The following HAUS5 variants were observed in gnomAD, a reference collection of about 807,000 sequenced individuals.
HAUS5 encodes HAUS augmin like complex subunit 5.
A neutral mutation model predicts 94.1 loss-of-function variants in HAUS5; 67 were observed. The observed-to-expected ratio is 0.71, with a 90% CI of 0.58 to 0.87. HAUS5 has a LOEUF of 0.87. HAUS5 is among the 40% of genes least tolerant of loss of function. HAUS5 has a pLI of 0.00. For synonymous variants in HAUS5, 339 were observed against 355.4 expected, an observed-to-expected ratio of 0.95 and a Z score of 0.52; for missense variants, 739 against 825.6, an observed-to-expected ratio of 0.90 and a Z score of 1.29.
chr19:35,619,605 C>CCA lies in HAUS5; in HGVS notation c.1261-7_1261-6insAC. The stretch of plus-strand genomic sequence containing the variant: ...TGATGCCCCACCCACCCCTCCCCTT[C>CCA]CCCACAGGTGCTAGCTCTGGTCCAG... On this transcript the variant is annotated splice_region_variant and splice_polypyrimidine_tract_variant and intron_variant, in intron 14 of 18. Transcript: ENST00000203166. The CCA allele has an allele frequency of 6.5e-6, 5 of 768,904 alleles. No individual in the cohort carries two copies. The highest frequency in any genetic ancestry group is 6.1e-6 in the Non-Finnish European group (3 of 489,516). The allele number at this position is 768,904 out of a possible 1,614,324, so 47.6% of individuals were successfully genotyped here.
chr19:35,619,584 G>GGGGCCCCCC, intron 14 of HAUS5, 29 bp from the exon 15 acceptor site: 1 of 1,533,880 alleles, frequency 6.5e-7, no homozygotes, highest in Non-Finnish European at 8.9e-7. Context: ...ATGTTGTGAT[G>GGGGCCCCCC]CCCCACCCAC....
Position 35,613,724 on chromosome 19 carries a change from C to T in HAUS5, c.99-6C>T. The T allele has an allele frequency of 6.2e-7, 1 of 1,613,632 alleles. No individual in the cohort carries two copies. The highest frequency in any genetic ancestry group is 8.5e-7 in the Non-Finnish European group (1 of 1,179,620). On this transcript the variant is annotated splice_region_variant and splice_polypyrimidine_tract_variant and intron_variant, in intron 1 of 18. Coordinates refer to ENST00000203166, the MANE Select transcript of HAUS5 (RefSeq NM_015302.2). ...CCAGGCATATGCTTACACACTGTCC[C>T]CACAGGCTGTGTCTGGGCCAGGGGG...
chr19:35,620,656 C>T (rs997885623), intron 17 of HAUS5, among the ~76,000 whole-genome samples: 6 of 152,222 alleles, frequency 3.9e-5, no homozygotes, highest in Non-Finnish European at 7.3e-5. Flanking sequence ...TCATTCATCA[C>T]CGTCACATAG....
rs1359032957 is a variant in HAUS5 at position 35,618,590 on chromosome 19, G to T, written c.907G>T (p.Val303Leu). ...LIQEGWRTVG[V>L]LVSQRSTLLK... is the part of the protein sequence containing the mutation. ...GCAGGAGGGCTGGCGGACTGTGGGT[G>T]TGCTGGTCTCCCAGCGGAGCACCCT... The change falls in exon 12 of 19, where the codon GTG (valine) becomes TTG (leucine). Residue 303 changes from valine to leucine, a missense_variant. By Grantham distance (32) the Val-to-Leu change is conservative. Coordinates refer to ENST00000203166, the MANE Select transcript of HAUS5 (RefSeq NM_015302.2). 1.2e-6 allele frequency: 2 copies of T among 1,605,420 alleles called. No individual in the cohort carries two copies. Among genetic ancestry groups the T allele is most frequent in the Non-Finnish European group, 1.7e-6 (2 of 1,173,710 alleles).
Position 35,615,317 on chromosome 19 carries a change from A to G in HAUS5, c.416A>G (p.Gln139Arg), listed in dbSNP as rs377560428. 4 of 1,613,702 alleles carry G rather than the reference A, an allele frequency of 2.5e-6. No individual in the cohort carries two copies. The highest frequency in any genetic ancestry group is 3.4e-6 in the Non-Finnish European group (4 of 1,179,894). ...LRAQAGAMRR[Q>R]QHTLRDPMQR... Reference sequence around the variant, plus strand: ...GCCCAAGCTGGGGCCATGCGAAGACAGCAGCATACGCTCCGAGATCCCATG... The same window carrying G: ...GCCCAAGCTGGGGCCATGCGAAGACGGCAGCATACGCTCCGAGATCCCATG... Residue 139 changes from glutamine to arginine, a missense_variant, in exon 6 of 19, where the codon CAG (glutamine) becomes CGG (arginine). Coordinates refer to ENST00000203166, the MANE Select transcript of HAUS5 (RefSeq NM_015302.2).
Position 35,617,882 on chromosome 19 carries a change from T to C in HAUS5, c.666T>C (p.Thr222=). 1 of 1,614,000 alleles carries C rather than the reference T, an allele frequency of 6.2e-7. No individual in the cohort carries two copies. Among genetic ancestry groups the C allele is most frequent in the Non-Finnish European group, 8.5e-7 (1 of 1,179,938 alleles). The part of the protein sequence containing the change: ...LPTPHDDHFG[T]SYQQWLSSVE... The stretch of plus-strand genomic sequence containing the variant: ...CCCCTCATGATGACCACTTTGGCAC[T>C]TCGTACCAGCAGTGGCTGAGCTCAG... Residue 222 remains threonine (T), a synonymous_variant, in exon 9 of 19, where the codon ACT becomes ACC. Coordinates refer to ENST00000203166, the MANE Select transcript of HAUS5 (RefSeq NM_015302.2).
At chr19:35,618,841 G>T (rs1248612347) in intron 12 of HAUS5, 46 bp from the exon 13 acceptor site, 2 of 1,553,762 alleles carry the variant, frequency 1.3e-6, no homozygotes, top group Non-Finnish European at 1.7e-6. Flanking sequence ...CCCTTGTGTG[G>T]CTCAGTCACC....
At position 35,623,015 on chromosome 19, in the gene HAUS5, C is replaced by T. The variant is rs758445314; in HGVS notation, c.*22C>T. 27 of 1,499,094 alleles carry T rather than the reference C, an allele frequency of 1.8e-5. No homozygotes were observed. The highest frequency in any genetic ancestry group is 2.3e-5 in the Non-Finnish European group (25 of 1,082,266). 92.9% of individuals were successfully genotyped at this position (1,499,094 alleles called of 1,614,324 possible). A position where few individuals can be genotyped will look rare whatever the true frequency, so the allele number is the denominator to read the frequency against. On this transcript the variant is annotated 3_prime_UTR_variant, in exon 19 of 19. Transcript: ENST00000203166. Reference sequence around the variant, plus strand: ...CTGAAGAGAGGGTTCAAACGGAAGCCGAGAACTTGACACTGTTCACCCCAA... The same window carrying T: ...CTGAAGAGAGGGTTCAAACGGAAGCTGAGAACTTGACACTGTTCACCCCAA...
At chr19:35,612,985 C>G (rs1049545458) in intron 1 of HAUS5, 93 bp downstream of exon 1, 25 of 903,280 alleles carry the variant, frequency 2.8e-5, no homozygotes, top group African/African-American at 1.6e-4. Context: ...TCGACTCCCC[C>G]CAATTCCCCA....
Position 35,615,263 on chromosome 19 carries a change from A to G in HAUS5, c.362A>G (p.Asp121Gly). 1 of 1,614,034 alleles carries G rather than the reference A, an allele frequency of 6.2e-7. No homozygotes were observed. The highest frequency in any genetic ancestry group is 8.5e-7 in the Non-Finnish European group (1 of 1,180,020). Residue 121 changes from aspartate to glycine, a missense_variant, in exon 6 of 19, where the codon GAC becomes GGC. Transcript: ENST00000203166. ...AMEQARQHTQ[D>G]TQRRALLLRA... ...GAGCAGGCACGTCAGCACACTCAAG[A>G]CACCCAGCGTCGAGCTCTCCTCCTC...
chr19:35,617,954 C>T, intron 9 of HAUS5, 42 bp downstream of exon 9: 2 of 1,610,584 alleles, frequency 1.2e-6, no homozygotes, highest in Non-Finnish European at 1.7e-6. Flanking sequence ...CCCTCCCGCT[C>T]CTTGATCAAA....
intron 17 of HAUS5, 52 bp from the exon 18 acceptor site, chr19:35,622,549 G>A (rs1035407291): frequency 1.4e-5 from 22 of 1,589,308 alleles, no homozygotes; most frequent in Non-Finnish European, 1.9e-5. Context: ...TTGCTGTAAG[G>A]TACCAGCGAG....
intron 3 of HAUS5, 29 bp from the exon 4 acceptor site, chr19:35,614,006 A>G: frequency 6.2e-7 from 1 of 1,613,612 alleles, no homozygotes; most frequent in Non-Finnish European, 8.5e-7. Flanking sequence ...AGCCCCACTC[A>G]TCCGCTGACT....
At chr19:35,613,697 C>T in intron 1 of HAUS5, 33 bp from the exon 2 acceptor site, 1 of 1,597,848 alleles carries the variant, frequency 6.3e-7, no homozygotes, top group Non-Finnish European at 8.6e-7. Context: ...CTGTGTGCTG[C>T]CCCAGGCATA....
At chr19:35,613,982 C>T (rs1305986137) in intron 3 of HAUS5, 53 bp from the exon 4 acceptor site, 17 of 1,608,802 alleles carry the variant, frequency 1.1e-5, no homozygotes, top group Admixed American at 3.3e-5. Context: ...ACACCTATTG[C>T]CCTCCCCCCT....
At chr19:35,619,578 TG>T (rs1365177583) in intron 14 of HAUS5, 34 bp from the exon 15 acceptor site, 1 of 1,589,434 alleles carries the variant, frequency 6.3e-7, no homozygotes, top group Non-Finnish European at 8.6e-7. Context: ...CTTGTGATGT[TG>T]TGATGCCCCA....
At position 35,613,843 on chromosome 19, in the gene HAUS5, T is replaced by G. The variant is rs1292233569; in HGVS notation, c.162-25T>G. 3 of 1,613,812 alleles carry G rather than the reference T, an allele frequency of 1.9e-6. No homozygotes were observed. The African/African-American group carries it at 4.0e-5, about 22-fold the overall frequency. On this transcript the variant is annotated intron_variant, in intron 2 of 18. Coordinates refer to ENST00000203166, the MANE Select transcript of HAUS5 (RefSeq NM_015302.2). ...GGGCACAGGTGAGGCCCATAGTAAC[T>G]CCTCTTTCTGCCTCTGCACTGTAGG...
intron 1 of HAUS5, 21 bp from the exon 2 acceptor site, chr19:35,613,709 G>T (rs1399068193): frequency 6.2e-7 from 1 of 1,611,786 alleles, no homozygotes; most frequent in Admixed American, 1.7e-5. Context: ...CCAGGCATAT[G>T]CTTACACACT....
rs753640617 is a variant in HAUS5, at chr19:35,618,554, G to A, written c.886-15G>A. The A allele has an allele frequency of 7.5e-6, 12 of 1,606,506 alleles. No individual in the cohort carries two copies. The highest frequency in any genetic ancestry group is 1.1e-5 in the South Asian group (1 of 90,606). On this transcript the variant is annotated splice_polypyrimidine_tract_variant and intron_variant, in intron 11 of 18. Transcript: ENST00000203166. ...CATGCCCTGGGTGTACCCTGATTCT[G>A]TACCCCGCTTGCAGGAGGGCTGGCG...
Sources: gnomAD v4.1 joint callset for allele counts (sites outside exome capture counted in the v4.1 genomes callset) on GRCh38, gnomAD v4.1.1 for gene constraint, MANE v1.5 for transcripts, NCBI Gene and HGNC (gene_info 2026-07-23, HGNC 2026-07-21) for gene names.